TMTC2: variants seen among roughly 807,000 people sequenced by gnomAD.
TMTC2 encodes protein O-mannosyl-transferase TMTC2.
TMTC2 carries 43 observed loss-of-function variants against 82.4 expected under a neutral mutation model. The observed-to-expected ratio is 0.52, with a 90% confidence interval of 0.41 to 0.67. The LOEUF is 0.67. Among genes scored for constraint, TMTC2 ranks in the 30% least tolerant of loss-of-function variants. TMTC2 has a pLI of 0.00. For missense variants in TMTC2, 919 were observed against 1,012.4 expected, an observed-to-expected ratio of 0.91 and a Z score of 1.25; for synonymous variants, 408 against 381.9, an observed-to-expected ratio of 1.07 and a Z score of -0.80.
chr12:82,887,390 C>T (rs1367751684), intron 2 of TMTC2, among the ~76,000 whole-genome samples: 2 of 152,008 alleles, frequency 1.3e-5, no homozygotes, highest in Non-Finnish European at 2.9e-5. Context: ...AGTCAAAGAC[C>T]CCCATAGAAG....
intron 11 of TMTC2, among the ~76,000 whole-genome samples, chr12:83,091,699 C>A (rs1333534668): frequency 6.6e-6 from 1 of 152,088 alleles, no homozygotes; most frequent in Non-Finnish European, 1.5e-5. Flanking sequence ...ATTTTCATAT[C>A]TTTTGCACAT....
At chr12:82,967,454 A>G (rs1431146170) in intron 7 of TMTC2, among the ~76,000 whole-genome samples, 1 of 152,156 alleles carries the variant, frequency 6.6e-6, no homozygotes, top group Admixed American at 6.5e-5. Context: ...TACAACAATT[A>G]TTCTATGTTT....
intron 11 of TMTC2, among the ~76,000 whole-genome samples, chr12:83,126,278 T>G (rs1338428532): frequency 6.6e-6 from 1 of 152,120 alleles, no homozygotes. Flanking sequence ...AGCACCAATT[T>G]CAGGATTGTA....
intron 1 of TMTC2, among the ~76,000 whole-genome samples, chr12:82,692,102 C>A (rs943887113): frequency 2.0e-5 from 3 of 152,146 alleles, no homozygotes; most frequent in Non-Finnish European, 4.4e-5. Context: ...CTCCATTGAG[C>A]CTGTCACATG....
intron 1 of TMTC2, among the ~76,000 whole-genome samples, chr12:82,789,334 G>A (rs1878340555): frequency 6.6e-6 from 1 of 152,102 alleles, no homozygotes; most frequent in African/African-American, 2.4e-5. Flanking sequence ...CTGAATTTTA[G>A]AGGTTATTAA....
chr12:83,069,576 G>T (rs1883035695), intron 11 of TMTC2, among the ~76,000 whole-genome samples: 1 of 152,060 alleles, frequency 6.6e-6, no homozygotes, highest in African/African-American at 2.4e-5. Flanking sequence ...TGAGTTTGTT[G>T]TAGATTCTGG....
chr12:83,074,169 G>A (rs529464605), intron 11 of TMTC2, among the ~76,000 whole-genome samples: 58 of 152,174 alleles, frequency 3.8e-4, no homozygotes, highest in African/African-American at 1.1e-3. Context: ...CGTGGTGTTC[G>A]CTTGATGTAG....
At chr12:82,778,667 G>A (rs1877721574) in intron 1 of TMTC2, among the ~76,000 whole-genome samples, 1 of 151,794 alleles carries the variant, frequency 6.6e-6, no homozygotes, top group African/African-American at 2.4e-5. Flanking sequence ...GGCTAAAACG[G>A]TGAAACCCCG....
intron 1 of TMTC2, among the ~76,000 whole-genome samples, chr12:82,772,689 G>A (rs541428884): frequency 1.2e-3 from 178 of 152,186 alleles, no homozygotes; most frequent in Non-Finnish European, 2.1e-3. Flanking sequence ...CTCTCTTCCT[G>A]GTCCATGTTC....
intron 1 of TMTC2, among the ~76,000 whole-genome samples, chr12:82,854,611 C>T (rs1405818289): frequency 6.6e-6 from 1 of 151,994 alleles, no homozygotes; most frequent in Admixed American, 6.6e-5. Context: ...TCTAAATGAC[C>T]ACATGCCCAA....
chr12:82,915,461 G>A (rs911958950), intron 3 of TMTC2, among the ~76,000 whole-genome samples: 7 of 152,096 alleles, frequency 4.6e-5, no homozygotes, highest in Non-Finnish European at 7.4e-5. Flanking sequence ...CGTAGATTTC[G>A]GACATTTTGT....
intron 8 of TMTC2, among the ~76,000 whole-genome samples, chr12:83,028,177 C>G (rs1007762854): frequency 6.6e-6 from 1 of 151,690 alleles, no homozygotes; most frequent in Non-Finnish European, 1.5e-5. Context: ...TGCACACTGT[C>G]GAATATATAT....
At chr12:82,862,443 A>T (rs1283037431) in intron 2 of TMTC2, among the ~76,000 whole-genome samples, 1 of 152,238 alleles carries the variant, frequency 6.6e-6, no homozygotes, top group Non-Finnish European at 1.5e-5. Flanking sequence ...CTGAAAGTCA[A>T]TGTAGCAATA....
intron 9 of TMTC2, among the ~76,000 whole-genome samples, chr12:83,033,505 C>A (rs1204057440): frequency 6.6e-6 from 1 of 152,116 alleles, no homozygotes; most frequent in Non-Finnish European, 1.5e-5. Flanking sequence ...GCAATCCCAG[C>A]ACTTTGGGAG....
At chr12:83,080,363 C>T (rs772261005) in intron 11 of TMTC2, among the ~76,000 whole-genome samples, 32 of 151,510 alleles carry the variant, frequency 2.1e-4, no homozygotes, top group Non-Finnish European at 4.4e-4. Flanking sequence ...ACAGATTCAC[C>T]TTTCTCTCTC....
At chr12:82,967,629 A>G (rs1245264393) in intron 7 of TMTC2, among the ~76,000 whole-genome samples, 1 of 152,040 alleles carries the variant, frequency 6.6e-6, no homozygotes, top group Non-Finnish European at 1.5e-5. Flanking sequence ...CAGCTGTTTG[A>G]TGATGGTTAC....
intron 1 of TMTC2, among the ~76,000 whole-genome samples, chr12:82,745,828 T>C (rs1440220463): frequency 6.6e-6 from 1 of 152,226 alleles, no homozygotes; most frequent in Non-Finnish European, 1.5e-5. Flanking sequence ...ATTCAGAGCA[T>C]CGAGGAATAT....
chr12:82,832,853 A>G (rs1869828036), intron 1 of TMTC2, among the ~76,000 whole-genome samples: 1 of 152,208 alleles, frequency 6.6e-6, no homozygotes, highest in African/African-American at 2.4e-5. Flanking sequence ...AAAATAGATT[A>G]GTCTTGGGAA....
intron 1 of TMTC2, among the ~76,000 whole-genome samples, chr12:82,764,169 A>G (rs1308177868): frequency 6.6e-6 from 1 of 152,098 alleles, no homozygotes; most frequent in African/African-American, 2.4e-5. Context: ...ATGGAGTCTC[A>G]TTGTGTCACT....
Sources: allele counts gnomAD v4.1 joint callset (sites outside exome capture counted in the v4.1 genomes callset), GRCh38; gene constraint gnomAD v4.1.1; transcripts MANE v1.5; gene names NCBI Gene and HGNC (gene_info 2026-07-23, HGNC 2026-07-21).